NFXL1: variants seen among roughly 807,000 people sequenced by gnomAD.
The protein encoded by NFXL1 is nuclear transcription factor, X-box binding like 1.
Under a neutral mutation model 123.3 loss-of-function variants are expected in NFXL1, and 66 were observed. The ratio of observed to expected loss-of-function variants is 0.54; its 90% CI spans 0.44 to 0.66. NFXL1 has a LOEUF of 0.66. NFXL1 is among the 30% of genes least tolerant of loss of function. NFXL1 has a pLI of 0.00. For synonymous variants in NFXL1, 346 were observed against 360.8 expected (o/e 0.96, Z 0.46); for missense variants, 944 against 1,125.6 (o/e 0.84, Z 2.31).
rs371168866 is a variant in NFXL1 at position 47,898,820 on chromosome 4, C to G, written c.1026G>C (p.Lys342Asn). The G allele has an allele frequency of 6.7e-5, 108 of 1,613,846 alleles. No homozygotes were observed. The highest frequency in any genetic ancestry group is 5.9e-5 in the Non-Finnish European group (70 of 1,179,874). The change falls in exon 8 of 23, where the codon AAG (lysine) becomes AAC (asparagine). Residue 342 changes from lysine to asparagine, a missense_variant. By Grantham distance (94) the Lys-to-Asn change is moderately conservative. This residue lies in a region of NFXL1 where 296 missense variants were observed against 395.1 expected (regional missense o/e 0.75). Transcript: ENST00000507489. ...CAGCTACTTTTTTGCCACAGACACACTTTTGTCTACTAACTCTTGGACAAG... is the reference window on the plus strand; with the variant it reads ...CAGCTACTTTTTTGCCACAGACACAGTTTTGTCTACTAACTCTTGGACAAG... ...CQPCPRVSRQKCVCGKKVAER... is the reference protein window; with the variant it reads ...CQPCPRVSRQNCVCGKKVAER...
chr4:47,899,102 G>C lies in NFXL1; in HGVS notation c.845C>G (p.Pro282Arg), dbSNP rs765112188. 1 of 1,572,774 alleles carries C rather than the reference G, an allele frequency of 6.4e-7. No individual in the cohort carries two copies. Among genetic ancestry groups the C allele is most frequent in the Admixed American group, 1.7e-5 (1 of 57,342 alleles). Residue 282 changes from proline (P) to arginine (R), a missense_variant, in exon 7 of 23, where the codon CCA becomes CGA. Physicochemically the swap from Pro to Arg is moderately radical, Grantham distance 103. This residue lies in a region of NFXL1 where 296 missense variants were observed against 395.1 expected (regional missense o/e 0.75). Coordinates refer to ENST00000507489, the MANE Select transcript of NFXL1 (RefSeq NM_001278624.2). The part of the protein sequence containing the change: ...LCHPGPCPPC[P>R]KMVTTTCYCK... ...GTAACAAGTAGTTGTGACCATCTTT[G>C]GACAAGGAGGGCAGGGACCTAGAAT...
chr4:47,853,142 C>T (rs1734219535), intron 20 of NFXL1, among the ~76,000 whole-genome samples: 1 of 152,022 alleles, frequency 6.6e-6, no homozygotes, highest in Non-Finnish European at 1.5e-5. Context: ...AGGATTTTAT[C>T]TTTTCTCATT....
At chr4:47,881,858 G>T (rs1414488557) in intron 15 of NFXL1, among the ~76,000 whole-genome samples, 2 of 152,124 alleles carry the variant, frequency 1.3e-5, no homozygotes, top group African/African-American at 4.8e-5. Context: ...AAAGATACAT[G>T]GTTGCTAGGA....
intron 9 of NFXL1, 168 bp from the exon 10 acceptor site, chr4:47,896,815 T>A (rs980197907): frequency 1.6e-5 from 9 of 548,610 alleles, no homozygotes; most frequent in Non-Finnish European, 2.6e-5. Context: ...TAATCCCTAA[T>A]ATTTGTGAAG....
intron 22 of NFXL1, among the ~76,000 whole-genome samples, chr4:47,848,910 A>AATAC (rs1263713002): frequency 6.6e-6 from 1 of 152,048 alleles, no homozygotes; most frequent in Non-Finnish European, 1.5e-5. Context: ...TAAATAAATA[A>AATAC]ATAAAATAAA....
At chr4:47,867,776 T>C (rs1348094423) in intron 18 of NFXL1, among the ~76,000 whole-genome samples, 2 of 152,146 alleles carry the variant, frequency 1.3e-5, no homozygotes, top group Non-Finnish European at 2.9e-5. Flanking sequence ...GAAAGCAGCA[T>C]AGAGCCACAT....
chr4:47,887,653 A>G (rs950231840), intron 12 of NFXL1, among the ~76,000 whole-genome samples: 3 of 152,176 alleles, frequency 2.0e-5, no homozygotes, highest in Admixed American at 6.5e-5. Flanking sequence ...TCGGCATATT[A>G]TATCTGTTTC....
rs3057881 is a variant in NFXL1, at chr4:47,899,138, C to CAAAAAAAAA, written c.827-27_827-19dup. ...GCAGGGACCTAGAATTCAGTAAAAG[C>CAAAAAAAAA]AAAAAAAAAAAAAAAAAAAAAATCT... On this transcript the variant is annotated intron_variant, in intron 6 of 22. Coordinates refer to ENST00000507489, the MANE Select transcript of NFXL1 (RefSeq NM_001278624.2). 7 of 1,212,206 alleles carry CAAAAAAAAA rather than the reference C, an allele frequency of 5.8e-6. No homozygotes were observed. The highest frequency in any genetic ancestry group is 5.7e-5 in the East Asian group (2 of 35,258). The allele number at this position is 1,212,206 out of a possible 1,614,324, so 75.1% of individuals were successfully genotyped here.
At position 47,847,687 on chromosome 4, in the gene NFXL1, T is replaced by G. The variant is rs1733888188; in HGVS notation, c.*476A>C. ...TCTGAAATCTAATTACATACCTTCA[T>G]GTCACAATTTAAGAGGTCTGTTAGA... is the stretch of plus-strand genomic sequence containing the variant. On this transcript the variant is annotated 3_prime_UTR_variant, in exon 23 of 23. Transcript: ENST00000507489. 6.5e-6 allele frequency: 1 copy of G among 152,674 alleles called. No individual in the cohort carries two copies. Among genetic ancestry groups the G allele is most frequent in the Non-Finnish European group, 1.5e-5 (1 of 68,048 alleles). The allele number at this position is 152,674 out of a possible 1,614,324, so 9.5% of individuals were successfully genotyped here. A position where few individuals can be genotyped will look rare whatever the true frequency, so the allele number is the denominator to read the frequency against.
At chr4:47,904,354 T>C (rs1737469329) in intron 4 of NFXL1, among the ~76,000 whole-genome samples, 4 of 152,154 alleles carry the variant, frequency 2.6e-5, no homozygotes, top group Admixed American at 2.0e-4. Context: ...ACTATACCCA[T>C]GTACTAGCTA....
At chr4:47,887,134 A>G (rs189929584) in intron 12 of NFXL1, among the ~76,000 whole-genome samples, 34 of 152,348 alleles carry the variant, frequency 2.2e-4, no homozygotes, top group Non-Finnish European at 3.7e-4. Flanking sequence ...AGCAGGCTAT[A>G]AAGTTCGCTC....
rs749785185 is a variant in NFXL1, at chr4:47,910,872, G to A, written c.358C>T (p.Gln120Ter). 1 of 1,601,498 alleles carries A rather than the reference G, an allele frequency of 6.2e-7. No individual in the cohort carries two copies. Residue 120 changes from glutamine to a stop codon, truncating the protein, a stop_gained, in exon 3 of 23, where the codon CAG becomes TAG. Transcript: ENST00000507489. LOFTEE classifies it high-confidence loss of function. ...AACGTATTTGCAAGTATTTTTCCCTGTTTTCCTTCAAAATCTTCATCTCCT... is the reference window on the plus strand; with the variant it reads ...AACGTATTTGCAAGTATTTTTCCCTATTTTCCTTCAAAATCTTCATCTCCT... ...EEGDEDFEGK[Q>*]GKILANTFIT...
intron 18 of NFXL1, among the ~76,000 whole-genome samples, chr4:47,867,490 TAAATG>T (rs1294303602): frequency 1.3e-5 from 2 of 151,544 alleles, no homozygotes; most frequent in African/African-American, 4.8e-5. Flanking sequence ...AAAAACAAAA[TAAATG>T]AAACAGATCT....
rs748300057 is a variant in NFXL1 at position 47,851,104 on chromosome 4, T to C, written c.2553A>G (p.Arg851=). ...EAKAALEEEK[R]RQQAELEAFE... ...TATTTTGTTTGGTTACCTGTTGTCT[T>C]CGTTTTTCTTCTTCAAGAGCAGCTT... The change falls in exon 22 of 23, where the codon CGA becomes CGG. Residue 851 remains arginine (R), a synonymous_variant. Transcript: ENST00000507489. 6.2e-7 allele frequency: 1 copy of C among 1,611,078 alleles called. No homozygotes were observed. The highest frequency in any genetic ancestry group is 1.7e-5 in the Admixed American group (1 of 59,960).
intron 12 of NFXL1, among the ~76,000 whole-genome samples, chr4:47,888,031 T>G (rs756860736): frequency 4.6e-5 from 7 of 151,606 alleles, no homozygotes; most frequent in Non-Finnish European, 1.0e-4. Flanking sequence ...ATCCCAGCAC[T>G]TTGGGAGGCC....
At chr4:47,873,661 GCA>G (rs1411567038) in intron 18 of NFXL1, among the ~76,000 whole-genome samples, 2 of 152,200 alleles carry the variant, frequency 1.3e-5, no homozygotes, top group Non-Finnish European at 2.9e-5. Flanking sequence ...CATTCATAGA[GCA>G]CAGACTAGAT....
At chr4:47,865,821 C>A (rs1003885603) in intron 18 of NFXL1, among the ~76,000 whole-genome samples, 2 of 152,032 alleles carry the variant, frequency 1.3e-5, no homozygotes, top group African/African-American at 4.8e-5. Context: ...TCGAGACCAG[C>A]CTTGGCAACA....
At chr4:47,860,098 G>T (rs1734669708) in intron 19 of NFXL1, among the ~76,000 whole-genome samples, 1 of 151,884 alleles carries the variant, frequency 6.6e-6, no homozygotes, top group South Asian at 2.1e-4. Flanking sequence ...AACATACATT[G>T]TATTCTTAAA....
chr4:47,886,125 C>T, intron 12 of NFXL1, 126 bp from the exon 13 acceptor site: 1 of 768,280 alleles, frequency 1.3e-6, no homozygotes, highest in Non-Finnish European at 2.1e-6. Context: ...GAAACTACAA[C>T]AACATGAATG....
Sources: allele counts gnomAD v4.1 joint callset (sites outside exome capture counted in the v4.1 genomes callset), GRCh38; gene constraint gnomAD v4.1.1; regional missense constraint gnomAD v4.1.1; transcripts MANE v1.5; gene names NCBI Gene and HGNC (gene_info 2026-07-23, HGNC 2026-07-21).